DDHD1: variants seen among roughly 807,000 people sequenced by gnomAD.
DDHD1 encodes the protein DDHD domain containing 1, also known as phospholipase DDHD1.
A neutral mutation model predicts 96.4 loss-of-function variants in DDHD1; 49 were observed. The ratio of observed to expected loss-of-function variants is 0.51; its 90% CI spans 0.40 to 0.64. The LOEUF (loss-of-function observed/expected upper bound fraction) is 0.64, where lower values mean the gene tolerates loss of function less well. Among genes scored for constraint, DDHD1 ranks in the 30% least tolerant of loss-of-function variants. The probability of loss-of-function intolerance (pLI) is 0.00; values close to 1 mark genes in which losing one functional copy is unlikely to be tolerated. For synonymous variants in DDHD1, 442 were observed against 446.5 expected, an observed-to-expected ratio of 0.99 and a Z score of 0.13; for missense variants, 1,106 against 1,161.2, an observed-to-expected ratio of 0.95 and a Z score of 0.69.
chr14:53,144,110 T>G (rs552908481), intron 1 of DDHD1, among the ~76,000 whole-genome samples: 1 of 152,246 alleles, frequency 6.6e-6, no homozygotes, highest in South Asian at 2.1e-4. Flanking sequence ...CCAAAACAAA[T>G]AGATAATGTA....
chr14:53,112,580 T>C (rs923659129), intron 1 of DDHD1, among the ~76,000 whole-genome samples: 2 of 152,232 alleles, frequency 1.3e-5, no homozygotes, highest in Non-Finnish European at 2.9e-5. Context: ...GCCTATGATA[T>C]TCAACACCTA....
chr14:53,113,979 TCTCA>T (rs1422078684), intron 1 of DDHD1, among the ~76,000 whole-genome samples: 3 of 152,194 alleles, frequency 2.0e-5, no homozygotes, highest in Admixed American at 1.3e-4. Flanking sequence ...GGCTTGAAAT[TCTCA>T]CTGTCAGCAC....
At chr14:53,132,990 A>G (rs1889985489) in intron 1 of DDHD1, among the ~76,000 whole-genome samples, 1 of 152,234 alleles carries the variant, frequency 6.6e-6, no homozygotes. Context: ...GGAACAAGGA[A>G]AATATCTCCT....
chr14:53,064,869 G>A (rs1313651306), intron 6 of DDHD1, among the ~76,000 whole-genome samples: 1 of 152,078 alleles, frequency 6.6e-6, no homozygotes, highest in Non-Finnish European at 1.5e-5. Context: ...CCGCTCATCA[G>A]TGAAAGGAGA....
intron 12 of DDHD1, among the ~76,000 whole-genome samples, chr14:53,050,443 G>C (rs982532449): frequency 7.9e-5 from 12 of 151,904 alleles, no homozygotes; most frequent in African/African-American, 2.9e-4. Context: ...TCATTTCTTT[G>C]TATGAATGAT....
intron 1 of DDHD1, among the ~76,000 whole-genome samples, chr14:53,107,921 A>T (rs1251174003): frequency 6.6e-6 from 1 of 152,224 alleles, no homozygotes; most frequent in Non-Finnish European, 1.5e-5. Flanking sequence ...CAGGAGGTAA[A>T]GAAATAGCCA....
intron 12 of DDHD1, among the ~76,000 whole-genome samples, chr14:53,048,109 T>G (rs1000864813): frequency 2.0e-5 from 3 of 152,218 alleles, no homozygotes; most frequent in Admixed American, 1.3e-4. Flanking sequence ...AAATGCTTAG[T>G]TAATGCTTAT....
At chr14:53,116,300 A>C (rs1462777682) in intron 1 of DDHD1, among the ~76,000 whole-genome samples, 2 of 152,172 alleles carry the variant, frequency 1.3e-5, no homozygotes, top group African/African-American at 4.8e-5. Flanking sequence ...ACCACTGTCA[A>C]TATTAGACGG....
chr14:53,060,855 T>G (rs770710952), intron 8 of DDHD1, among the ~76,000 whole-genome samples: 1 of 152,186 alleles, frequency 6.6e-6, no homozygotes. Context: ...CAGGCAAAAT[T>G]AGAACCTCCC....
chr14:53,108,717 C>T (rs1887885850), intron 1 of DDHD1, among the ~76,000 whole-genome samples: 1 of 152,130 alleles, frequency 6.6e-6, no homozygotes, highest in South Asian at 2.1e-4. Flanking sequence ...ATGGCTTTGC[C>T]TTTCTCTTCA....
chr14:53,124,342 C>T (rs1889271646), intron 1 of DDHD1, among the ~76,000 whole-genome samples: 1 of 151,864 alleles, frequency 6.6e-6, no homozygotes, highest in Non-Finnish European at 1.5e-5. Context: ...TGCTACCTTG[C>T]ATTAGAATAC....
intron 1 of DDHD1, among the ~76,000 whole-genome samples, chr14:53,136,910 A>C (rs544873983): frequency 3.2e-4 from 49 of 152,344 alleles, no homozygotes; most frequent in African/African-American, 1.2e-3. Context: ...CAGGTATCCA[A>C]AGAAGCATGA....
intron 1 of DDHD1, among the ~76,000 whole-genome samples, chr14:53,135,948 C>T (rs962165752): frequency 3.9e-5 from 6 of 152,224 alleles, no homozygotes; most frequent in African/African-American, 7.2e-5. Flanking sequence ...GTGACCTGCA[C>T]GTATACATCC....
At position 53,063,216 on chromosome 14, in the gene DDHD1, T is replaced by C. The variant is rs781605444; in HGVS notation, c.1504-11A>G. On this transcript the variant is annotated splice_polypyrimidine_tract_variant and intron_variant, in intron 6 of 12. Coordinates refer to ENST00000673822, the MANE Select transcript of DDHD1 (RefSeq NM_001160148.2). Reference sequence around the variant, plus strand: ...AAGGCCTTTAACTAGCTGTTTGAAATAAGAAAACATTATCATATTAGACTT... The same window carrying C: ...AAGGCCTTTAACTAGCTGTTTGAAACAAGAAAACATTATCATATTAGACTT... The C allele has an allele frequency of 6.2e-7, 1 of 1,610,054 alleles. No homozygotes were observed.
At chr14:53,062,035 CAAA>C (rs779302322) in intron 7 of DDHD1, among the ~76,000 whole-genome samples, 6 of 76,798 alleles carry the variant, frequency 7.8e-5, no homozygotes, top group South Asian at 4.8e-4. Context: ...ACTCCGTCTC[CAAA>C]AAAAAAAAAA....
Position 53,110,353 on chromosome 14 carries a change from T to C in DDHD1, c.839-6497A>G, listed in dbSNP as rs537726863. On this transcript the variant is annotated intron_variant, in intron 1 of 12. Transcript: ENST00000673822. Reference sequence around the variant, plus strand: ...ATGCCTACTCACAAGCAAGTGTATATGTAAGTACATGCACATACATTCAGA... The same window carrying C: ...ATGCCTACTCACAAGCAAGTGTATACGTAAGTACATGCACATACATTCAGA... Among the ~76,000 whole-genome samples, 9 of 152,378 alleles carry C rather than the reference T, an allele frequency of 5.9e-5. No homozygotes were observed. In the South Asian group the frequency reaches 1.4e-3, roughly 25 times the overall value.
At chr14:53,072,557 A>G in intron 6 of DDHD1, 40 bp downstream of exon 6, 1 of 1,180,586 alleles carries the variant, frequency 8.5e-7, no homozygotes, top group Non-Finnish European at 1.2e-6. Context: ...ATAAGCTATC[A>G]CTAAAAAATA....
At chr14:53,099,650 A>T (rs1887151680) in intron 2 of DDHD1, among the ~76,000 whole-genome samples, 1 of 152,248 alleles carries the variant, frequency 6.6e-6, no homozygotes, top group South Asian at 2.1e-4. Flanking sequence ...TGAGTGAAAC[A>T]CTAATCCAGC....
intron 1 of DDHD1, among the ~76,000 whole-genome samples, chr14:53,123,272 A>C (rs1434176201): frequency 6.6e-6 from 1 of 151,692 alleles, no homozygotes; most frequent in South Asian, 2.1e-4. Flanking sequence ...TCAGCCTCCC[A>C]AGTAGCTGGA....
Sources: allele counts gnomAD v4.1 joint callset (sites outside exome capture counted in the v4.1 genomes callset), GRCh38; gene constraint gnomAD v4.1.1; transcripts MANE v1.5; gene names NCBI Gene and HGNC (gene_info 2026-07-23, HGNC 2026-07-21).